The following TBC1D9B variants were observed in gnomAD, a reference collection of about 807,000 sequenced individuals.
TBC1D9B encodes TBC1 domain family member 9B.
Under a neutral mutation model 121.1 loss-of-function variants are expected in TBC1D9B, and 87 were observed. The observed-to-expected ratio is 0.72, with a 90% CI of 0.60 to 0.86. The LOEUF is 0.86. TBC1D9B is among the 40% of genes least tolerant of loss of function. The pLI, the probability that TBC1D9B is intolerant of heterozygous loss-of-function variation, is 0.00. For missense variants in TBC1D9B, 1,540 were observed against 1,628.6 expected, an observed-to-expected ratio of 0.95 and a Z score of 0.94; for synonymous variants, 668 against 670.1, an observed-to-expected ratio of 1.00 and a Z score of 0.05.
At chr5:179,866,450 T>C (rs1760013925) in intron 18 of TBC1D9B, 1 of 152,532 alleles carries the variant, frequency 6.6e-6, no homozygotes, top group Non-Finnish European at 1.5e-5. Context: ...CCAGCTCTCC[T>C]GGAGCTGTTC....
rs1325363570 is a variant in TBC1D9B, at chr5:179,875,243, C to A, written c.1901-56G>T. ...AGCCCACCCTGTGGCCTGGGTGGGCCCTCACCTGCAGCGTACGAGCCCTGG... is the reference window on the plus strand; with the variant it reads ...AGCCCACCCTGTGGCCTGGGTGGGCACTCACCTGCAGCGTACGAGCCCTGG... On this transcript the variant is annotated intron_variant, in intron 11 of 20. Transcript: ENST00000355235. This position sits in a 1 kb window ranked among gnomAD's most constrained non-coding sequence, Gnocchi z 4.5. 2 of 1,582,830 alleles carry A rather than the reference C, an allele frequency of 1.3e-6. No homozygotes were observed. Among genetic ancestry groups the A allele is most frequent in the Non-Finnish European group, 1.7e-6 (2 of 1,167,674 alleles).
At chr5:179,878,553 G>C in intron 9 of TBC1D9B, 30 bp from the exon 10 acceptor site, 1 of 1,563,542 alleles carries the variant, frequency 6.4e-7, no homozygotes, top group East Asian at 2.3e-5. Context: ...AGCTGTCTCT[G>C]TCCTTCTTCT....
At chr5:179,867,401 G>A (rs547089733) in intron 18 of TBC1D9B, 6 of 1,534,904 alleles carry the variant, frequency 3.9e-6, no homozygotes, top group Admixed American at 2.0e-5. Context: ...TGCAGGAAGA[G>A]TGTTAGGAGG....
intron 7 of TBC1D9B, among the ~76,000 whole-genome samples, chr5:179,882,006 G>A (rs1486609411): frequency 1.4e-5 from 2 of 144,634 alleles, no homozygotes; most frequent in African/African-American, 5.3e-5. Flanking sequence ...GTACAGAGGT[G>A]TGATCTCAGC....
chr5:179,879,079 C>T lies in TBC1D9B; in HGVS notation c.1535G>A (p.Ser512Asn). 1 of 1,605,598 alleles carries T rather than the reference C, an allele frequency of 6.2e-7. No homozygotes were observed. Among genetic ancestry groups the T allele is most frequent in the Non-Finnish European group, 8.5e-7 (1 of 1,179,946 alleles). ...RALVLKGIPE[S>N]LRGELWLLFS... ...GAGGAGCCACAGCTCTCCCCGGAGG[C>T]TCTCAGGGATACCCTTCAGGACCAG... Residue 512 changes from serine (S) to asparagine (N), a missense_variant, in exon 9 of 21, where the codon AGC becomes AAC. By Grantham distance (46) the Ser-to-Asn change is conservative. Coordinates refer to ENST00000355235, the MANE Select transcript of TBC1D9B (RefSeq NM_015043.4).
chr5:179,867,656 C>G, intron 18 of TBC1D9B, 122 bp downstream of exon 18: 1 of 1,510,126 alleles, frequency 6.6e-7, no homozygotes. Flanking sequence ...CTGGGGAGAA[C>G]CCCATGCGGC....
chr5:179,865,434 G>T lies in TBC1D9B; in HGVS notation c.2915-74C>A. 1 of 1,425,376 alleles carries T rather than the reference G, an allele frequency of 7.0e-7. No homozygotes were observed. The highest frequency in any genetic ancestry group is 9.9e-7 in the Non-Finnish European group (1 of 1,010,574). 88.3% of individuals were successfully genotyped at this position (1,425,376 alleles called of 1,614,324 possible). A position where few individuals can be genotyped will look rare whatever the true frequency, so the allele number is the denominator to read the frequency against. Reference sequence around the variant, plus strand: ...CGGGCTGACAGCAGGGAGAGGAAGAGTTGGGTGTTTTCTGGCATGGAGTTA... The same window carrying T: ...CGGGCTGACAGCAGGGAGAGGAAGATTTGGGTGTTTTCTGGCATGGAGTTA... On this transcript the variant is annotated intron_variant, in intron 19 of 20. Coordinates refer to ENST00000355235, the MANE Select transcript of TBC1D9B (RefSeq NM_015043.4). This position sits in a 1 kb window ranked among gnomAD's most constrained non-coding sequence, Gnocchi z 5.1.
intron 20 of TBC1D9B, among the ~76,000 whole-genome samples, chr5:179,864,393 T>C (rs1759943829): frequency 6.6e-6 from 1 of 152,180 alleles, no homozygotes; most frequent in Non-Finnish European, 1.5e-5. Context: ...TCCCTGTTTC[T>C]AGGTCCGTTC....
chr5:179,883,772 T>G (rs462133), intron 7 of TBC1D9B, among the ~76,000 whole-genome samples: 8,449 of 152,182 alleles, frequency 0.056, 783 homozygotes, highest in African/African-American at 0.19. Context: ...CTGGTTCACT[T>G]TCTCCCCGCA....
chr5:179,888,470 C>A (rs1183331353), intron 6 of TBC1D9B, among the ~76,000 whole-genome samples, 158 bp from the exon 7 acceptor site: 2 of 152,250 alleles, frequency 1.3e-5, no homozygotes, highest in African/African-American at 2.4e-5. Context: ...ACCCGCTGCA[C>A]CTAACCCCGA....
In TBC1D9B at chr5:179,879,641, A is replaced by G; in HGVS notation, c.1403T>C (p.Leu468Pro). The G allele has an allele frequency of 1.9e-6, 3 of 1,614,006 alleles. No individual in the cohort carries two copies. The highest frequency in any genetic ancestry group is 2.5e-6 in the Non-Finnish European group (3 of 1,179,930). ...CTCAGGGCTCACCCCCTTGGCTCCAAGGTCCTCCATGGGCGAGTTTTTCTG... is the reference window on the plus strand; with the variant it reads ...CTCAGGGCTCACCCCCTTGGCTCCAGGGTCCTCCATGGGCGAGTTTTTCTG... Reference protein sequence around the residue: ...LFQKNSPMEDLGAKGAKEKMK... With the variant: ...LFQKNSPMEDPGAKGAKEKMK... Residue 468 changes from leucine (L) to proline (P), a missense_variant, in exon 8 of 21, where the codon CTT becomes CCT. Transcript: ENST00000355235.
chr5:179,896,378 A>T (rs921546438), intron 3 of TBC1D9B, among the ~76,000 whole-genome samples: 1 of 152,206 alleles, frequency 6.6e-6, no homozygotes, highest in African/African-American at 2.4e-5. Context: ...CGATCTAAAC[A>T]TCTCTCTCCA....
chr5:179,895,661 G>T (rs1424522655), intron 3 of TBC1D9B, among the ~76,000 whole-genome samples: 2 of 152,190 alleles, frequency 1.3e-5, no homozygotes, highest in Admixed American at 1.3e-4. Flanking sequence ...AGCTCAAAAT[G>T]TACACATTGA....
chr5:179,864,005 T>A lies in TBC1D9B; in HGVS notation c.3145A>T (p.Lys1049Ter), dbSNP rs1163654306. ...SLLLRIGEVG[K>*]KFSARTGRKP... is the part of the protein sequence containing the mutation. ...CTGCCTGTGCGGGCTGAGAACTTCTTCCCCACCTCTCCGATGCGGAGCAGG... is the reference window on the plus strand; with the variant it reads ...CTGCCTGTGCGGGCTGAGAACTTCTACCCCACCTCTCCGATGCGGAGCAGG... Residue 1049 changes from lysine (K) to a stop codon, truncating the protein, a stop_gained, in exon 21 of 21, where the codon AAG (lysine) becomes TAG (stop). Transcript: ENST00000355235. LOFTEE classifies it low-confidence loss of function (END_TRUNC). The A allele has an allele frequency of 1.2e-6, 2 of 1,613,568 alleles. No individual in the cohort carries two copies. The highest frequency in any genetic ancestry group is 2.2e-5 in the South Asian group (2 of 91,074).
At chr5:179,887,118 T>A (rs1162933433) in intron 7 of TBC1D9B, among the ~76,000 whole-genome samples, 1 of 152,262 alleles carries the variant, frequency 6.6e-6, no homozygotes, top group Non-Finnish European at 1.5e-5. Flanking sequence ...GTATTCCACC[T>A]TTCCTCTATG....
intron 4 of TBC1D9B, among the ~76,000 whole-genome samples, chr5:179,893,708 G>C (rs1760936960): frequency 6.6e-6 from 1 of 152,088 alleles, no homozygotes. Flanking sequence ...GGCTGAAGGG[G>C]AAAGGAACGA....
intron 4 of TBC1D9B, among the ~76,000 whole-genome samples, chr5:179,893,720 C>T (rs32437): frequency 0.55 from 81,211 of 147,130 alleles, 23,599 homozygotes; most frequent in East Asian, 0.76. Context: ...AAGGAACGAA[C>T]GTGCGGAGGT....
In TBC1D9B at chr5:179,881,946, G is replaced by GTTTTTTTTTTTTTTTTTTTTTTTT. The variant is rs796278508; in HGVS notation, c.1255-2158_1255-2157insAAAAAAAAAAAAAAAAAAAAAAAA. ...TTCCATATCTTTCCATATACCTTCC[G>GTTTTTTTTTTTTTTTTTTTTTTTT]TTTTTTTTTTTTTTTTGAGATGGAG... On this transcript the variant is annotated intron_variant, in intron 7 of 20. Coordinates refer to ENST00000355235, the MANE Select transcript of TBC1D9B (RefSeq NM_015043.4). Among the ~76,000 whole-genome samples, 34 of 128,278 alleles carry GTTTTTTTTTTTTTTTTTTTTTTTT rather than the reference G, an allele frequency of 2.7e-4. 5 individuals carry two copies. The highest frequency in any genetic ancestry group is 1.1e-3 in the African/African-American group (33 of 29,960). 84.2% of individuals were successfully genotyped at this position (128,278 alleles called of 152,430 possible).
rs146145249 is a variant in TBC1D9B at position 179,893,378 on chromosome 5, C to T, written c.667G>A (p.Asp223Asn). ...FPESIRVDTRDQELFFSMFLN... is the reference protein window; with the variant it reads ...FPESIRVDTRNQELFFSMFLN... ...AACATGGAGAAGAAGAGCTCCTGGTCGCGGGTGTCCACACGGATGCTCTCG... is the reference window on the plus strand; with the variant it reads ...AACATGGAGAAGAAGAGCTCCTGGTTGCGGGTGTCCACACGGATGCTCTCG... The change falls in exon 5 of 21, where the codon GAC becomes AAC. Residue 223 changes from aspartate (D) to asparagine (N), a missense_variant. By Grantham distance (23) the Asp-to-Asn change is conservative. Coordinates refer to ENST00000355235, the MANE Select transcript of TBC1D9B (RefSeq NM_015043.4). 4.6e-5 allele frequency: 75 copies of T among 1,613,954 alleles called. 1 individual carries two copies. Among genetic ancestry groups the T allele is most frequent in the African/African-American group, 1.9e-4 (14 of 74,912 alleles).
Sources: allele counts gnomAD v4.1 joint callset (sites outside exome capture counted in the v4.1 genomes callset), GRCh38; gene constraint gnomAD v4.1.1; non-coding constraint Gnocchi (gnomAD v3.1); transcripts MANE v1.5; gene names NCBI Gene and HGNC (gene_info 2026-07-23, HGNC 2026-07-21).